NAA40: variants seen among roughly 807,000 people sequenced by gnomAD.
NAA40 encodes the protein N-alpha-acetyltransferase 40.
A neutral mutation model predicts 36.6 loss-of-function variants in NAA40; 26 were observed. The observed-to-expected ratio is 0.71, with a 90% CI of 0.52 to 0.98. The LOEUF (loss-of-function observed/expected upper bound fraction) is 0.98. Ranked by LOEUF, NAA40 falls within the 50% of genes least tolerant of loss-of-function variation. NAA40 has a pLI of 0.00. For missense variants in NAA40, 237 were observed against 306.5 expected (o/e 0.77, Z 1.69); for synonymous variants, 129 against 108.4 (o/e 1.19, Z -1.18).
intron 3 of NAA40, among the ~76,000 whole-genome samples, chr11:63,948,650 G>A (rs896514244): frequency 5.3e-5 from 8 of 152,036 alleles, no homozygotes; most frequent in Non-Finnish European, 1.2e-4. Flanking sequence ...CCCGGGAGGC[G>A]GAGCTTGCAG....
At chr11:63,950,399 G>A (rs555903060) in intron 3 of NAA40, among the ~76,000 whole-genome samples, 26 of 152,216 alleles carry the variant, frequency 1.7e-4, no homozygotes, top group Middle Eastern at 3.4e-3. Context: ...GATTGTAGGC[G>A]TGAGCCACTG....
intron 3 of NAA40, among the ~76,000 whole-genome samples, chr11:63,949,157 G>A (rs1046987624): frequency 6.6e-6 from 1 of 152,158 alleles, no homozygotes; most frequent in African/African-American, 2.4e-5. Context: ...TTGCACTCTA[G>A]CCTGGGTGAC....
In NAA40 at chr11:63,952,296, T is replaced by C. The variant is rs1337755325; in HGVS notation, c.214T>C (p.Trp72Arg). 4 of 1,613,966 alleles carry C rather than the reference T, an allele frequency of 2.5e-6. No individual in the cohort carries two copies. The highest frequency in any genetic ancestry group is 3.4e-6 in the Non-Finnish European group (4 of 1,179,912). ...VSGLEPATVD[W>R]AFDLTKTNMQ... ...TGGACTGGAGCCAGCCACCGTGGAT[T>C]GGGCCTTCGACCTGACCAAAACGAA... The change falls in exon 4 of 8, where the codon TGG (tryptophan) becomes CGG (arginine). Residue 72 changes from tryptophan to arginine, a missense_variant. Trp to Arg is a moderately radical substitution (Grantham distance 101). Coordinates refer to ENST00000377793, the MANE Select transcript of NAA40 (RefSeq NM_024771.4).
chr11:63,946,984 A>G lies in NAA40; in HGVS notation c.136A>G (p.Lys46Glu), dbSNP rs137857294. 1.9e-6 allele frequency: 3 copies of G among 1,614,046 alleles called. No individual in the cohort carries two copies. Among genetic ancestry groups the G allele is most frequent in the Non-Finnish European group, 2.5e-6 (3 of 1,180,010 alleles). ...CCCTCTGGAGGCTTTCCCAGTGTTC[A>G]AGAAATATGATAGAAACGGGTGAGT... ...GDPLEAFPVF[K>E]KYDRNGLNVS... Residue 46 changes from lysine (K) to glutamate (E), a missense_variant, in exon 3 of 8, where the codon AAG (lysine) becomes GAG (glutamate). By Grantham distance (56) the Lys-to-Glu change is moderately conservative. Transcript: ENST00000377793.
intron 1 of NAA40, among the ~76,000 whole-genome samples, chr11:63,940,270 C>T (rs571618457): frequency 1.3e-5 from 2 of 152,096 alleles, no homozygotes; most frequent in South Asian, 2.1e-4. Flanking sequence ...AGGCTGGTCT[C>T]GAACTCCTGA....
chr11:63,951,174 T>TA (rs1370313996), intron 3 of NAA40, among the ~76,000 whole-genome samples: 2 of 152,218 alleles, frequency 1.3e-5, no homozygotes, highest in Non-Finnish European at 2.9e-5. Flanking sequence ...TAGAGTTTGC[T>TA]GACTCTAGTC....
In NAA40 at chr11:63,954,671, C is replaced by A; in HGVS notation, c.*192C>A. ...CCTCCTCTCCTAGGAGACCAGAGTG[C>A]TAGAAGGGAATGAAAGGGAGAGGGA... is the stretch of plus-strand genomic sequence containing the variant. On this transcript the variant is annotated 3_prime_UTR_variant, in exon 8 of 8. Coordinates refer to ENST00000377793, the MANE Select transcript of NAA40 (RefSeq NM_024771.4). 1 of 494,242 alleles carries A rather than the reference C, an allele frequency of 2.0e-6. No individual in the cohort carries two copies. The highest frequency in any genetic ancestry group is 2.0e-5 in the African/African-American group (1 of 50,088). The allele number at this position is 494,242 out of a possible 1,614,324, so 30.6% of individuals were successfully genotyped here. A position where few individuals can be genotyped will look rare whatever the true frequency, so the allele number is the denominator to read the frequency against.
chr11:63,950,023 T>C (rs1449751629), intron 3 of NAA40, among the ~76,000 whole-genome samples: 13 of 151,726 alleles, frequency 8.6e-5, no homozygotes, highest in Admixed American at 5.3e-4. Flanking sequence ...GGATTACAGG[T>C]GTGAGCCACC....
intron 3 of NAA40, among the ~76,000 whole-genome samples, chr11:63,950,234 T>G (rs1380474075): frequency 6.6e-6 from 1 of 151,168 alleles, no homozygotes; most frequent in Non-Finnish European, 1.5e-5. Flanking sequence ...TTCTCCTGCC[T>G]CTACCTCCTG....
rs886750885 is a variant in NAA40, at chr11:63,954,693, G to A, written c.*214G>A. 2.3e-6 allele frequency: 1 copy of A among 436,652 alleles called. No homozygotes were observed. Among genetic ancestry groups the A allele is most frequent in the African/African-American group, 2.0e-5 (1 of 49,040 alleles). The allele number at this position is 436,652 out of a possible 1,614,324, so 27.0% of individuals were successfully genotyped here. A position where few individuals can be genotyped will look rare whatever the true frequency, so the allele number is the denominator to read the frequency against. On this transcript the variant is annotated 3_prime_UTR_variant, in exon 8 of 8. Transcript: ENST00000377793. ...GTGCTAGAAGGGAATGAAAGGGAGAGGGAAGAGTAGGTGGGGCCGGGCAGT... is the reference window on the plus strand; with the variant it reads ...GTGCTAGAAGGGAATGAAAGGGAGAAGGAAGAGTAGGTGGGGCCGGGCAGT...
chr11:63,945,931 A>C lies in NAA40; in HGVS notation c.98A>C (p.Asn33Thr). 1 of 1,613,916 alleles carries C rather than the reference A, an allele frequency of 6.2e-7. No individual in the cohort carries two copies. The highest frequency in any genetic ancestry group is 1.1e-5 in the South Asian group (1 of 91,072). The change falls in exon 2 of 8, where the codon AAC becomes ACC. Residue 33 changes from asparagine to threonine, a missense_variant. By Grantham distance (65) the Asn-to-Thr change is moderately conservative. Transcript: ENST00000377793. ...DAVCAKVDAA[N>T]RLGDPLEAFP... is the part of the protein sequence containing the mutation. ...GTTTGTGCCAAAGTGGACGCTGCCA[A>C]CAGGGTGATTCTCCCTTTCTTCCCA...
intron 1 of NAA40, among the ~76,000 whole-genome samples, chr11:63,940,178 G>A (rs1942085673): frequency 6.6e-6 from 1 of 150,852 alleles, no homozygotes; most frequent in Non-Finnish European, 1.5e-5. Context: ...AGCCTCCCCA[G>A]CAGCTGGGAT....
At chr11:63,944,462 G>T (rs1455275622) in intron 1 of NAA40, among the ~76,000 whole-genome samples, 1 of 152,104 alleles carries the variant, frequency 6.6e-6, no homozygotes, top group Non-Finnish European at 1.5e-5. Flanking sequence ...GTGCTCTCTT[G>T]TTGTCCTGGG....
intron 3 of NAA40, 124 bp downstream of exon 3, chr11:63,947,127 C>G: frequency 9.5e-7 from 1 of 1,052,234 alleles, no homozygotes; most frequent in Non-Finnish European, 1.4e-6. Context: ...AAAAACAGGG[C>G]TGGGTGCGGT....
chr11:63,949,056 C>A (rs1233052016), intron 3 of NAA40, among the ~76,000 whole-genome samples: 3 of 152,096 alleles, frequency 2.0e-5, no homozygotes, highest in African/African-American at 7.2e-5. Flanking sequence ...CATGGTGGCA[C>A]ATGCCTGTAT....
At chr11:63,939,829 G>T (rs1386313494) in intron 1 of NAA40, among the ~76,000 whole-genome samples, 2 of 152,096 alleles carry the variant, frequency 1.3e-5, no homozygotes, top group African/African-American at 4.8e-5. Context: ...AAGATGCGGG[G>T]AGGCGGGGGC....
At chr11:63,954,123 C>T (rs1942325135) in intron 7 of NAA40, 74 bp downstream of exon 7, 2 of 1,504,864 alleles carry the variant, frequency 1.3e-6, no homozygotes, top group African/African-American at 1.4e-5. Flanking sequence ...TCCTGGCCCT[C>T]ACTCATTCTG....
At position 63,957,212 on chromosome 11, in the gene NAA40, A is replaced by ATATATATT. The variant is rs1278673521; in HGVS notation, c.*2734_*2735insATATATTT. 487 of 64,212 alleles carry ATATATATT rather than the reference A, an allele frequency of 7.6e-3. 5 individuals are homozygous for ATATATATT. The highest frequency in any genetic ancestry group is 0.019 in the African/African-American group (465 of 23,880). 4.0% of individuals were successfully genotyped at this position (64,212 alleles called of 1,614,324 possible). A position where few individuals can be genotyped will look rare whatever the true frequency, so the allele number is the denominator to read the frequency against. The stretch of plus-strand genomic sequence containing the variant: ...CCTTGATATATATATATATATATAT[A>ATATATATT]TTTTTTTTTTTCTTTAGCAGCTTGT... On this transcript the variant is annotated 3_prime_UTR_variant, in exon 8 of 8. Coordinates refer to ENST00000377793, the MANE Select transcript of NAA40 (RefSeq NM_024771.4).
intron 1 of NAA40, among the ~76,000 whole-genome samples, chr11:63,943,489 C>T (rs530831371): frequency 2.6e-5 from 4 of 152,266 alleles, no homozygotes; most frequent in East Asian, 3.9e-4. Context: ...AGGACATAGG[C>T]GCCTCAGTAG....
Sources: allele counts gnomAD v4.1 joint callset (sites outside exome capture counted in the v4.1 genomes callset), GRCh38; gene constraint gnomAD v4.1.1; transcripts MANE v1.5; gene names NCBI Gene and HGNC (gene_info 2026-07-23, HGNC 2026-07-21).